CRMP1: variants seen among roughly 807,000 people sequenced by gnomAD.
The protein encoded by CRMP1 is dihydropyrimidinase-related protein 1.
A neutral mutation model predicts 68.3 loss-of-function variants in CRMP1; 19 were observed. That is an observed-to-expected ratio of 0.28 (90% CI 0.19 to 0.41). The LOEUF is 0.41. CRMP1 is among the 10% of genes least tolerant of loss of function. The pLI, the probability that CRMP1 is intolerant of heterozygous loss-of-function variation, is 1.00. For missense variants in CRMP1, 791 were observed against 967.4 expected, an observed-to-expected ratio of 0.82 and a Z score of 2.42; for synonymous variants, 439 against 399.6, an observed-to-expected ratio of 1.10 and a Z score of -1.18.
rs1429288848 is a variant in CRMP1 at position 5,821,890 on chromosome 4, T to C, written c.1970-39A>G. 8.1e-6 allele frequency: 12 copies of C among 1,474,134 alleles called. No individual in the cohort carries two copies. In the Admixed American group the frequency reaches 2.3e-4, roughly 28 times the overall value. The allele number at this position is 1,474,134 out of a possible 1,614,324, so 91.3% of individuals were successfully genotyped here. ...CCAATCGCTGCTGGATGGGATCTGT[T>C]AGCATCAGTTCCACGCTGCTCCTGG... On this transcript the variant is annotated intron_variant, in intron 13 of 13. Coordinates refer to ENST00000324989, the MANE Select transcript of CRMP1 (RefSeq NM_001014809.3). This position sits in a 1 kb window ranked among gnomAD's most constrained non-coding sequence, Gnocchi z 4.4.
In CRMP1 at chr4:5,856,176, G is replaced by T. The variant is rs373503083; in HGVS notation, c.787C>A (p.Arg263=). The change falls in exon 4 of 14, where the codon CGG becomes AGG. Residue 263 remains arginine, a synonymous_variant. Coordinates refer to ENST00000324989, the MANE Select transcript of CRMP1 (RefSeq NM_001014809.3). ...VDITSWYDGV[R]EELEVLVQDK... ...TGCACCAGCACCTCCAGCTCCTCCC[G>T]AACGCCATCGTACCAGCTTGTGATG... 1 of 1,613,932 alleles carries T rather than the reference G, an allele frequency of 6.2e-7. No individual in the cohort carries two copies. Among genetic ancestry groups the T allele is most frequent in the Non-Finnish European group, 8.5e-7 (1 of 1,179,880 alleles).
At chr4:5,827,177 C>T (rs368466732) in intron 12 of CRMP1, among the ~76,000 whole-genome samples, 1 of 152,206 alleles carries the variant, frequency 6.6e-6, no homozygotes, top group South Asian at 2.1e-4. Flanking sequence ...GATATCTGCC[C>T]TCACGGAAGC....
rs1714037633 is a variant in CRMP1, at chr4:5,866,904, T to C, written c.382-148A>G. On this transcript the variant is annotated intron_variant, in intron 1 of 13. Transcript: ENST00000324989. The surrounding 1 kb of genome is among the most constrained non-coding windows in gnomAD (Gnocchi z 5.9). ...GCCCCAGATCCATCACCAGCTTCAA[T>C]ACTTCTCTATCCAATACTTCCTATT... 4 of 573,000 alleles carry C rather than the reference T, an allele frequency of 7.0e-6. No individual in the cohort carries two copies. Among genetic ancestry groups the C allele is most frequent in the African/African-American group, 3.8e-5 (2 of 52,978 alleles). The allele number at this position is 573,000 out of a possible 1,614,324, so 35.5% of individuals were successfully genotyped here. A position where few individuals can be genotyped will look rare whatever the true frequency, so the allele number is the denominator to read the frequency against.
rs774512379 is a variant in CRMP1, at chr4:5,866,301, G to A, written c.470+367C>T. On this transcript the variant is annotated intron_variant, in intron 2 of 13. Transcript: ENST00000324989. The surrounding 1 kb of genome is among the most constrained non-coding windows in gnomAD (Gnocchi z 5.9). ...GCTGTGAATTCAGTTGTCTCAGGGT[G>A]GAATCCGGGCCTTGACCCTAACTCA... Among the ~76,000 whole-genome samples the A allele has an allele frequency of 6.6e-6, 1 of 152,336 alleles. No homozygotes were observed. The highest frequency in any genetic ancestry group is 1.9e-4 in the East Asian group (1 of 5,170).
chr4:5,867,449 T>A (rs902627977), intron 1 of CRMP1, among the ~76,000 whole-genome samples: 6 of 151,942 alleles, frequency 3.9e-5, no homozygotes, highest in Non-Finnish European at 2.9e-5. Flanking sequence ...TTAGAGACAT[T>A]TAAAAAGATA....
At chr4:5,828,057 G>C (rs1167549630) in intron 12 of CRMP1, 3 of 985,042 alleles carry the variant, frequency 3.0e-6, no homozygotes, top group Non-Finnish European at 3.6e-6. Context: ...CAAGATGCCA[G>C]GGGTAACACC....
Position 5,870,198 on chromosome 4 carries a change from T to C in CRMP1, c.382-3442A>G, listed in dbSNP as rs183245575. Among the ~76,000 whole-genome samples, 2 of 152,320 alleles carry C rather than the reference T, an allele frequency of 1.3e-5. No individual in the cohort carries two copies. The highest frequency in any genetic ancestry group is 2.4e-5 in the African/African-American group (1 of 41,568). On this transcript the variant is annotated intron_variant, in intron 1 of 13. Coordinates refer to ENST00000324989, the MANE Select transcript of CRMP1 (RefSeq NM_001014809.3). This position sits in a 1 kb window ranked among gnomAD's most constrained non-coding sequence, Gnocchi z 6.0. ...TGCTTTGGGCCCTGCTTGATGTTAC[T>C]TATCTGAGTGCCCTCCGCTCGACTT...
intron 1 of CRMP1, among the ~76,000 whole-genome samples, chr4:5,868,287 A>ATATATATATATATATC (rs1714171059): frequency 8.0e-6 from 1 of 124,926 alleles, no homozygotes; most frequent in African/African-American, 2.7e-5. Flanking sequence ...ATATATATAT[A>ATATATATATATATATC]TATATATATA....
chr4:5,849,433 C>T lies in CRMP1; in HGVS notation c.922G>A (p.Val308Met), dbSNP rs769512358. The T allele has an allele frequency of 8.1e-6, 13 of 1,613,850 alleles. No homozygotes were observed. Among genetic ancestry groups the T allele is most frequent in the Non-Finnish European group, 1.1e-5 (13 of 1,179,944 alleles). Residue 308 changes from valine (V) to methionine (M), a missense_variant, in exon 6 of 14, where the codon GTG becomes ATG. Val to Met is a conservative substitution (Grantham distance 21). Transcript: ENST00000324989. ...CCATTTTCTGCATGGACCAAGATCA[C>T]AGCTCCCAGGCCCTTAAGGAAGGTA... ...AFTFLKGLGA[V>M]ILVHAENGDL...
At chr4:5,882,886 T>G (rs563080889) in intron 1 of CRMP1, among the ~76,000 whole-genome samples, 3 of 152,342 alleles carry the variant, frequency 2.0e-5, no homozygotes, top group Middle Eastern at 3.4e-3. Context: ...GAAAGTGACT[T>G]GCTCAACATC....
In CRMP1 at chr4:5,850,293, C is replaced by T. The variant is rs1193132144; in HGVS notation, c.883-821G>A. On this transcript the variant is annotated intron_variant, in intron 5 of 13. Coordinates refer to ENST00000324989, the MANE Select transcript of CRMP1 (RefSeq NM_001014809.3). This position sits in a 1 kb window ranked among gnomAD's most constrained non-coding sequence, Gnocchi z 4.4. Reference sequence around the variant, plus strand: ...TGAGAACCTGCACGCAGAGGCTGCTCGATTCCATCCATGCCCATGGCTCCA... The same window carrying T: ...TGAGAACCTGCACGCAGAGGCTGCTTGATTCCATCCATGCCCATGGCTCCA... Among the ~76,000 whole-genome samples the T allele has an allele frequency of 6.6e-6, 1 of 152,162 alleles. No individual in the cohort carries two copies. Among genetic ancestry groups the T allele is most frequent in the African/African-American group, 2.4e-5 (1 of 41,442 alleles).
In CRMP1 at chr4:5,860,948, AC is replaced by A. The variant is rs1713506391; in HGVS notation, c.655+77del. ...ACCCTGGGCAGAGAGCCTCGAACAC[AC>A]TGAGCACTTGTGATGCTGGTGATGG... On this transcript the variant is annotated intron_variant, in intron 3 of 13. Coordinates refer to ENST00000324989, the MANE Select transcript of CRMP1 (RefSeq NM_001014809.3). The surrounding 1 kb of genome is among the most constrained non-coding windows in gnomAD (Gnocchi z 4.2). The A allele has an allele frequency of 6.8e-7, 1 of 1,459,920 alleles. No homozygotes were observed. Among genetic ancestry groups the A allele is most frequent in the Admixed American group, 1.9e-5 (1 of 53,100 alleles). The allele number at this position is 1,459,920 out of a possible 1,614,324, so 90.4% of individuals were successfully genotyped here.
At chr4:5,844,470 G>C (rs887302259) in intron 6 of CRMP1, among the ~76,000 whole-genome samples, 2 of 152,144 alleles carry the variant, frequency 1.3e-5, no homozygotes, top group African/African-American at 2.4e-5. Flanking sequence ...GAAAAACAAA[G>C]ACGAGAGTAG....
In CRMP1 at chr4:5,828,686, G is replaced by A. The variant is rs750052803; in HGVS notation, c.1624-18C>T. On this transcript the variant is annotated intron_variant, in intron 11 of 13. Transcript: ENST00000324989. ...TCCACCGCCTGCACCAACAGCCTCAGTGTTACTTCCCAGGATTTGCTCTGC... is the reference window on the plus strand; with the variant it reads ...TCCACCGCCTGCACCAACAGCCTCAATGTTACTTCCCAGGATTTGCTCTGC... 3 of 1,611,144 alleles carry A rather than the reference G, an allele frequency of 1.9e-6. No individual in the cohort carries two copies. The highest frequency in any genetic ancestry group is 2.5e-6 in the Non-Finnish European group (3 of 1,177,588).
chr4:5,866,694 G>A lies in CRMP1; in HGVS notation c.444C>T (p.Asp148=), dbSNP rs149094396. 49 of 1,612,854 alleles carry A rather than the reference G, an allele frequency of 3.0e-5. No homozygotes were observed. The highest frequency in any genetic ancestry group is 2.4e-4 in the African/African-American group (18 of 74,884). The part of the protein sequence containing the change: ...IINDDQSLYA[D]VYLEDGLIKQ... ...TGATAAGTCCATCCTCCAGGTAGAC[G>A]TCAGCATAAAGGGATTGGTCATCGT... is the stretch of plus-strand genomic sequence containing the variant. Residue 148 remains aspartate, a synonymous_variant, in exon 2 of 14, where the codon GAC becomes GAT. Coordinates refer to ENST00000324989, the MANE Select transcript of CRMP1 (RefSeq NM_001014809.3). This position sits in a 1 kb window ranked among gnomAD's most constrained non-coding sequence, Gnocchi z 5.9.
chr4:5,889,888 T>G lies in CRMP1; in HGVS notation c.381+2701A>C. 7.0e-7 allele frequency: 1 copy of G among 1,420,170 alleles called. No individual in the cohort carries two copies. The highest frequency in any genetic ancestry group is 1.4e-5 in the African/African-American group (1 of 69,472). The allele number at this position is 1,420,170 out of a possible 1,614,324, so 88.0% of individuals were successfully genotyped here. ...GTTTTAGCTTCACAGAGAAGCCAGC[T>G]CAGTATCCCAGGAACACTAGGCATA... On this transcript the variant is annotated intron_variant, in intron 1 of 13. Transcript: ENST00000324989. This position sits in a 1 kb window ranked among gnomAD's most constrained non-coding sequence, Gnocchi z 4.5.
chr4:5,823,701 G>A (rs1223779024), intron 13 of CRMP1, among the ~76,000 whole-genome samples: 2 of 152,162 alleles, frequency 1.3e-5, no homozygotes, highest in African/African-American at 2.4e-5. Context: ...GCTCTCCTTC[G>A]CCTTCTGCCA....
chr4:5,821,994 C>T lies in CRMP1; in HGVS notation c.1970-143G>A, dbSNP rs1277338019. On this transcript the variant is annotated intron_variant, in intron 13 of 13. Coordinates refer to ENST00000324989, the MANE Select transcript of CRMP1 (RefSeq NM_001014809.3). This position sits in a 1 kb window ranked among gnomAD's most constrained non-coding sequence, Gnocchi z 4.4. ...GTCCAGGACCAGCCATGGGAAGCCT[C>T]CCTGGCCTCCACAGAGTCCACTGCT... The T allele has an allele frequency of 4.6e-6, 3 of 657,838 alleles. No homozygotes were observed. Among genetic ancestry groups the T allele is most frequent in the Non-Finnish European group, 7.4e-6 (3 of 404,828 alleles). The allele number at this position is 657,838 out of a possible 1,614,324, so 40.8% of individuals were successfully genotyped here.
At chr4:5,840,528 C>T (rs1711640446) in intron 8 of CRMP1, among the ~76,000 whole-genome samples, 1 of 152,246 alleles carries the variant, frequency 6.6e-6, no homozygotes, top group African/African-American at 2.4e-5. Flanking sequence ...CTTTCTGCAG[C>T]GAGGGGGGTG....
Sources: gnomAD v4.1 joint callset for allele counts (sites outside exome capture counted in the v4.1 genomes callset) on GRCh38, gnomAD v4.1.1 for gene constraint, Gnocchi (gnomAD v3.1) non-coding constraint, MANE v1.5 for transcripts, NCBI Gene and HGNC (gene_info 2026-07-23, HGNC 2026-07-21) for gene names.